DLG1: variants seen among roughly 807,000 people sequenced by gnomAD.
DLG1 encodes discs large MAGUK scaffold protein 1.
In DLG1, 42 loss-of-function variants were observed where a neutral mutation model predicts 123.4. The ratio of observed to expected loss-of-function variants is 0.34; its 90% confidence interval spans 0.27 to 0.44. The LOEUF is 0.44. Among genes scored for constraint, DLG1 ranks in the 20% least tolerant of loss-of-function variants. The pLI is 1.00. For synonymous variants in DLG1, 317 were observed against 356.2 expected (o/e 0.89, Z 1.24); for missense variants, 942 against 1,082.6 (o/e 0.87, Z 1.82).
chr3:197,189,190 T>A (rs1018930347), intron 5 of DLG1, among the ~76,000 whole-genome samples: 14 of 152,236 alleles, frequency 9.2e-5, no homozygotes, highest in Non-Finnish European at 1.9e-4. Flanking sequence ...ACTTTTCATG[T>A]CCAAAGATTA....
chr3:197,089,297 T>A (rs1002597424), intron 15 of DLG1, among the ~76,000 whole-genome samples: 1 of 151,976 alleles, frequency 6.6e-6, no homozygotes, highest in Non-Finnish European at 1.5e-5. Context: ...GAGGCCAAGG[T>A]GGGTGAGGCC....
rs549793160 is a variant in DLG1, at chr3:197,042,918, CTT to C, written c.*1703_*1704del. Reference sequence around the variant, plus strand: ...TTTTTCTTTCAAAATTCAAGACACACTTAACATATGGATTTTACAATACAGTT... The same window carrying C: ...TTTTTCTTTCAAAATTCAAGACACACAACATATGGATTTTACAATACAGTT... On this transcript the variant is annotated 3_prime_UTR_variant, in exon 25 of 25. Transcript: ENST00000667157. The C allele has an allele frequency of 4.6e-5, 7 of 152,266 alleles. No homozygotes were observed. Among genetic ancestry groups the C allele is most frequent in the Admixed American group, 3.3e-4 (5 of 15,282 alleles). 9.4% of individuals were successfully genotyped at this position (152,266 alleles called of 1,614,324 possible).
chr3:197,058,189 A>AGG (rs1055055832), intron 23 of DLG1, among the ~76,000 whole-genome samples: 17 of 152,078 alleles, frequency 1.1e-4, no homozygotes, highest in African/African-American at 4.1e-4. Context: ...CATGTTGCCC[A>AGG]GGCTGGTCTT....
intron 15 of DLG1, among the ~76,000 whole-genome samples, chr3:197,088,416 A>C (rs1270508982): frequency 6.6e-6 from 1 of 152,216 alleles, no homozygotes; most frequent in Non-Finnish European, 1.5e-5. Flanking sequence ...CCCACATTCC[A>C]AATTCTCTAC....
At chr3:197,051,828 T>C (rs1727944973) in intron 23 of DLG1, among the ~76,000 whole-genome samples, 160 bp from the exon 24 acceptor site, 1 of 147,140 alleles carries the variant, frequency 6.8e-6, no homozygotes, top group Non-Finnish European at 1.5e-5. Context: ...TGGTCATTTC[T>C]GGGAATTTTT....
chr3:197,055,749 C>T (rs2148770993), intron 23 of DLG1, among the ~76,000 whole-genome samples: 1 of 152,166 alleles, frequency 6.6e-6, no homozygotes, highest in African/African-American at 2.4e-5. Context: ...TTTGTTTTTA[C>T]TTAATATTTT....
chr3:197,130,471 G>A, intron 11 of DLG1, 56 bp downstream of exon 11: 5 of 1,366,898 alleles, frequency 3.7e-6, no homozygotes, highest in Non-Finnish European at 4.9e-6. Context: ...TTCACTAATG[G>A]CATCACAACT....
chr3:197,241,454 A>C (rs1375187644), intron 4 of DLG1, among the ~76,000 whole-genome samples: 2 of 152,178 alleles, frequency 1.3e-5, no homozygotes, highest in Non-Finnish European at 2.9e-5. Context: ...AAAATAAAAC[A>C]AACTAAAAAA....
chr3:197,230,404 C>T (rs564750063), intron 4 of DLG1, among the ~76,000 whole-genome samples: 1 of 152,266 alleles, frequency 6.6e-6, no homozygotes, highest in Admixed American at 6.5e-5. Flanking sequence ...AACCAAACTC[C>T]TTCACCTGTC....
intron 4 of DLG1, among the ~76,000 whole-genome samples, chr3:197,266,613 CA>C (rs1761809774): frequency 6.6e-6 from 1 of 151,494 alleles, no homozygotes. Flanking sequence ...ACCCTGTCTC[CA>C]AAAAGAAGGA....
At chr3:197,195,261 A>G (rs1255077282) in intron 4 of DLG1, among the ~76,000 whole-genome samples, 1 of 152,028 alleles carries the variant, frequency 6.6e-6, no homozygotes, top group East Asian at 1.9e-4. Flanking sequence ...ACAAGAAACC[A>G]AGGTTTATTA....
At chr3:197,224,166 C>T (rs1295003417) in intron 4 of DLG1, among the ~76,000 whole-genome samples, 1 of 151,990 alleles carries the variant, frequency 6.6e-6, no homozygotes, top group Admixed American at 6.6e-5. Context: ...CATTTTCCCA[C>T]CAGAGGGCAA....
At chr3:197,068,497 T>C (rs1741302173) in intron 19 of DLG1, 3 of 1,568,664 alleles carry the variant, frequency 1.9e-6, no homozygotes, top group African/African-American at 1.3e-5. Context: ...ATTAACAGGA[T>C]GGACCTTTTG....
At chr3:197,073,765 C>T (rs949634181) in intron 18 of DLG1, among the ~76,000 whole-genome samples, 1 of 152,080 alleles carries the variant, frequency 6.6e-6, no homozygotes, top group Non-Finnish European at 1.5e-5. Flanking sequence ...TTAAATACCC[C>T]ATTTTTCATA....
At chr3:197,135,653 T>G (rs763488511) in intron 10 of DLG1, among the ~76,000 whole-genome samples, 19 of 152,220 alleles carry the variant, frequency 1.2e-4, no homozygotes, top group Admixed American at 2.6e-4. Flanking sequence ...ATAAAATGAA[T>G]GAACTTTAGC....
intron 14 of DLG1, among the ~76,000 whole-genome samples, chr3:197,096,996 T>C (rs1488898397): frequency 6.6e-6 from 1 of 152,208 alleles, no homozygotes; most frequent in Non-Finnish European, 1.5e-5. Context: ...TAGAACTCTC[T>C]ATTTTGTTGT....
At chr3:197,168,177 T>C (rs1802336232) in intron 5 of DLG1, among the ~76,000 whole-genome samples, 1 of 152,210 alleles carries the variant, frequency 6.6e-6, no homozygotes, top group Non-Finnish European at 1.5e-5. Flanking sequence ...GACGAGGATG[T>C]GAATACCATT....
intron 11 of DLG1, among the ~76,000 whole-genome samples, chr3:197,124,946 A>G (rs962628971): frequency 3.9e-5 from 6 of 152,100 alleles, no homozygotes; most frequent in Non-Finnish European, 8.8e-5. Context: ...TATGCAAGAG[A>G]GAGAAGGGAC....
chr3:197,120,239 T>C (rs1194071714), intron 11 of DLG1, among the ~76,000 whole-genome samples: 6 of 143,788 alleles, frequency 4.2e-5, no homozygotes, highest in Non-Finnish European at 1.5e-5. Context: ...CCAGCCTACG[T>C]AGGTGACAGA....
Sources: allele counts gnomAD v4.1 joint callset (sites outside exome capture counted in the v4.1 genomes callset), GRCh38; gene constraint gnomAD v4.1.1; transcripts MANE v1.5; gene names NCBI Gene and HGNC (gene_info 2026-07-23, HGNC 2026-07-21).